The following XPR1 variants were observed in gnomAD, a reference collection of about 807,000 sequenced individuals.
The protein encoded by XPR1 is xenotropic and polytropic retrovirus receptor 1.
In XPR1, 28 loss-of-function variants were observed where a neutral mutation model predicts 87.5. The observed-to-expected ratio is 0.32, with a 90% CI of 0.24 to 0.44. XPR1 has a LOEUF of 0.44. Ranked by LOEUF, XPR1 falls within the 20% of genes least tolerant of loss-of-function variation. The pLI, the probability that XPR1 is intolerant of heterozygous loss-of-function variation, is 1.00. For missense variants in XPR1, 559 were observed against 862.3 expected (o/e 0.65, Z 4.41); for synonymous variants, 300 against 306.1 (o/e 0.98, Z 0.21).
chr1:180,797,342 C>T (rs796784578), intron 3 of XPR1, among the ~76,000 whole-genome samples: 36 of 152,226 alleles, frequency 2.4e-4, no homozygotes, highest in African/African-American at 8.4e-4. Context: ...GTGGGAGTTT[C>T]ATTTGTGACT....
intron 3 of XPR1, among the ~76,000 whole-genome samples, chr1:180,802,637 C>T (rs1052400588): frequency 6.6e-6 from 1 of 152,190 alleles, no homozygotes; most frequent in African/African-American, 2.4e-5. Flanking sequence ...GGAACATTTT[C>T]ATCATCCTAA....
intron 2 of XPR1, among the ~76,000 whole-genome samples, chr1:180,747,789 G>T: frequency 6.6e-6 from 1 of 152,168 alleles, no homozygotes; most frequent in Non-Finnish European, 1.5e-5. Context: ...AAGCCAGTCA[G>T]TTTCTCAATT....
chr1:180,713,319 A>G (rs1657871962), intron 2 of XPR1, among the ~76,000 whole-genome samples: 1 of 152,168 alleles, frequency 6.6e-6, no homozygotes, highest in Admixed American at 6.5e-5. Context: ...CTATATATAT[A>G]AAGATTTTTA....
rs548320390 is a variant in XPR1, at chr1:180,872,862, A to G, written c.1669-941A>G. On this transcript the variant is annotated intron_variant, in intron 12 of 14. Transcript: ENST00000367590. The stretch of plus-strand genomic sequence containing the variant: ...CTCCCCCGGATTATTCTTATTACAC[A>G]TATTAGTTTAATACATGGAGGCTAA... Among the ~76,000 whole-genome samples, 516 of 152,042 alleles carry G rather than the reference A, an allele frequency of 3.4e-3. 1 individual carries two copies. Among genetic ancestry groups the G allele is most frequent in the Non-Finnish European group, 5.4e-3 (365 of 67,992 alleles).
intron 2 of XPR1, among the ~76,000 whole-genome samples, chr1:180,731,885 AAAATGCCTTTTG>A (rs1304881967): frequency 6.6e-6 from 1 of 152,104 alleles, no homozygotes; most frequent in Non-Finnish European, 1.5e-5. Flanking sequence ...ACGGGTTTTT[AAAATGCCTTTTG>A]AAATGCCTTT....
intron 2 of XPR1, among the ~76,000 whole-genome samples, chr1:180,710,192 T>C (rs1471976483): frequency 6.6e-6 from 1 of 151,284 alleles, no homozygotes; most frequent in Non-Finnish European, 1.5e-5. Flanking sequence ...ACACCTGGCC[T>C]GTTTAATTTA....
Position 180,702,294 on chromosome 1 carries a change from C to G in XPR1, c.121+19883C>G, listed in dbSNP as rs1489485863. On this transcript the variant is annotated intron_variant, in intron 2 of 14. Transcript: ENST00000367590. ...AGTTCTAGTTTGATTGCACTGTGGT[C>G]TGAGAGATAGTTTGTTATAATTTCT... Among the ~76,000 whole-genome samples, 76 of 126,656 alleles carry G rather than the reference C, an allele frequency of 6.0e-4. 1 individual carries two copies. The highest frequency in any genetic ancestry group is 1.1e-4 in the Non-Finnish European group (7 of 61,534). The allele number at this position is 126,656 out of a possible 152,430, so 83.1% of individuals were successfully genotyped here.
At chr1:180,734,270 C>T (rs1019040619) in intron 2 of XPR1, among the ~76,000 whole-genome samples, 3 of 152,186 alleles carry the variant, frequency 2.0e-5, no homozygotes. Context: ...GGGAAGAAGG[C>T]TTTAATCAGG....
intron 2 of XPR1, among the ~76,000 whole-genome samples, chr1:180,743,224 T>TA (rs111485833): frequency 0.12 from 17,658 of 149,352 alleles, 1,200 homozygotes; most frequent in African/African-American, 0.17. Context: ...CTTTTTTTTT[T>TA]GGGGGGGGAG....
At chr1:180,747,364 CTAT>C (rs1350114567) in intron 2 of XPR1, among the ~76,000 whole-genome samples, 1 of 152,148 alleles carries the variant, frequency 6.6e-6, no homozygotes, top group Non-Finnish European at 1.5e-5. Flanking sequence ...TTTGAGGCAC[CTAT>C]TGTTTCAAGC....
At chr1:180,682,522 CTT>C (rs1035198595) in intron 2 of XPR1, 111 bp downstream of exon 2, 1 of 511,840 alleles carries the variant, frequency 2.0e-6, no homozygotes, top group Non-Finnish European at 3.1e-6. Flanking sequence ...TTATATAGGT[CTT>C]TTTTTCCCTT....
rs377456549 is a variant in XPR1 at position 180,799,957 on chromosome 1, G to T, written c.224-3431G>T. ...AATGAGTTAAGAGAGGATGTGGTAG[G>T]TATCCTATCCCTTTGTCTTTAAAGT... On this transcript the variant is annotated intron_variant, in intron 3 of 14. Coordinates refer to ENST00000367590, the MANE Select transcript of XPR1 (RefSeq NM_004736.4). 1.1e-4 allele frequency among the ~76,000 whole-genome samples: 16 copies of T among 152,310 alleles called. No homozygotes were observed. The East Asian group carries it at 2.7e-3, about 26-fold the overall frequency.
At chr1:180,657,666 A>T (rs1655582461) in intron 1 of XPR1, among the ~76,000 whole-genome samples, 1 of 152,186 alleles carries the variant, frequency 6.6e-6, no homozygotes, top group South Asian at 2.1e-4. Flanking sequence ...TTTTTATGCT[A>T]GTACCATGCT....
chr1:180,634,699 G>A (rs1484534506), intron 1 of XPR1, among the ~76,000 whole-genome samples: 1 of 152,066 alleles, frequency 6.6e-6, no homozygotes. Context: ...CTAGCCTAGG[G>A]TGCTTTCTAG....
intron 2 of XPR1, among the ~76,000 whole-genome samples, chr1:180,740,832 A>G (rs1312436442): frequency 6.6e-6 from 1 of 152,222 alleles, no homozygotes; most frequent in Non-Finnish European, 1.5e-5. Flanking sequence ...AAGCATCAGC[A>G]GATTCCCATG....
intron 11 of XPR1, among the ~76,000 whole-genome samples, chr1:180,852,205 G>T (rs552162416): frequency 3.9e-4 from 59 of 151,374 alleles, no homozygotes; most frequent in African/African-American, 1.3e-3. Context: ...AAGTTCTGTG[G>T]TTTTTTTTTA....
At chr1:180,743,169 T>C (rs1311726206) in intron 2 of XPR1, among the ~76,000 whole-genome samples, 1 of 151,878 alleles carries the variant, frequency 6.6e-6, no homozygotes, top group Non-Finnish European at 1.5e-5. Flanking sequence ...ATTTTGTTAT[T>C]ATTATTATTT....
intron 1 of XPR1, among the ~76,000 whole-genome samples, chr1:180,667,184 A>G (rs75450181): frequency 0.024 from 3,663 of 152,286 alleles, 152 homozygotes; most frequent in African/African-American, 0.082. Context: ...CCTTACTGGG[A>G]TTACAGGCAT....
intron 11 of XPR1, among the ~76,000 whole-genome samples, chr1:180,856,065 A>G (rs1380851149): frequency 6.6e-6 from 1 of 152,082 alleles, no homozygotes; most frequent in Non-Finnish European, 1.5e-5. Context: ...CCCTTACCTC[A>G]TTAAGCCATC....
Sources: gnomAD v4.1 joint callset for allele counts (sites outside exome capture counted in the v4.1 genomes callset) on GRCh38, gnomAD v4.1.1 for gene constraint, MANE v1.5 for transcripts, NCBI Gene and HGNC (gene_info 2026-07-23, HGNC 2026-07-21) for gene names.